Variants in OR51B5 observed in about 807,000 individuals in gnomAD.
OR51B5 encodes the protein olfactory receptor 51B5.
For synonymous variants in OR51B5, 186 were observed against 144.8 expected, an observed-to-expected ratio of 1.28 and a Z score of -2.04; for missense variants, 456 against 374.6, an observed-to-expected ratio of 1.22 and a Z score of -1.79.
At chr11:5,465,199 C>A (rs1851120474) in intron 1 of OR51B5, among the ~76,000 whole-genome samples, 1 of 76,512 alleles carries the variant, frequency 1.3e-5, no homozygotes, top group Non-Finnish European at 2.6e-5. Flanking sequence ...GAGCGAGACT[C>A]CGTCTCAAAA....
intron 1 of OR51B5, among the ~76,000 whole-genome samples, chr11:5,443,681 T>A (rs1589998844): frequency 6.6e-6 from 1 of 152,136 alleles, no homozygotes; most frequent in East Asian, 1.9e-4. Flanking sequence ...CAGATTTTCA[T>A]CAGTCTACAA....
At chr11:5,447,585 G>T (rs754339972) in intron 1 of OR51B5, among the ~76,000 whole-genome samples, 1 of 149,878 alleles carries the variant, frequency 6.7e-6, no homozygotes, top group Non-Finnish European at 1.5e-5. Flanking sequence ...TCACCGCTCA[G>T]TCTCAATCCC....
chr11:5,429,056 A>G (rs1313141168), intron 1 of OR51B5, among the ~76,000 whole-genome samples: 1 of 152,152 alleles, frequency 6.6e-6, no homozygotes, highest in Non-Finnish European at 1.5e-5. Context: ...CCCCATCCAG[A>G]CTTGTAACTC....
chr11:5,422,658 G>A (rs768441462), intron 1 of OR51B5: 5 of 1,614,004 alleles, frequency 3.1e-6, no homozygotes, highest in Non-Finnish European at 4.2e-6. Context: ...ATCATTTGCT[G>A]CTGTGTTCTG....
chr11:5,350,836 C>T (rs1849070099), intron 1 of OR51B5, among the ~76,000 whole-genome samples: 1 of 152,172 alleles, frequency 6.6e-6, no homozygotes, highest in Non-Finnish European at 1.5e-5. Context: ...TTTGGAAACA[C>T]ACACAGGTAA....
At chr11:5,476,912 G>A (rs364784) in intron 1 of OR51B5, among the ~76,000 whole-genome samples, 140,374 of 152,176 alleles carry the variant, frequency 0.92, 65,138 homozygotes, top group South Asian at 0.99. Context: ...ACAGGCCATC[G>A]AAAAACAGGA....
intron 1 of OR51B5, chr11:5,505,544 A>G: frequency 8.7e-7 from 1 of 1,144,994 alleles, no homozygotes; most frequent in South Asian, 1.6e-5. Flanking sequence ...GCAATTTATA[A>G]AAGAAAGAGG....
intron 1 of OR51B5, among the ~76,000 whole-genome samples, chr11:5,357,232 T>A (rs1295382618): frequency 5.9e-5 from 9 of 151,774 alleles, no homozygotes; most frequent in Non-Finnish European, 1.3e-4. Flanking sequence ...AGGAAACCCA[T>A]CTCATGTGCA....
intron 1 of OR51B5, chr11:5,389,897 G>A: frequency 6.2e-7 from 1 of 1,612,378 alleles, no homozygotes; most frequent in Non-Finnish European, 8.5e-7. Context: ...GGGACCTGTG[G>A]CCACTATCCC....
intron 1 of OR51B5, among the ~76,000 whole-genome samples, chr11:5,353,886 C>T (rs1564917461): frequency 6.6e-6 from 1 of 152,102 alleles, no homozygotes; most frequent in Non-Finnish European, 1.5e-5. Context: ...AAAATAATAC[C>T]TTCACAATAG....
At chr11:5,388,546 C>G (rs1849737794) in intron 1 of OR51B5, among the ~76,000 whole-genome samples, 1 of 144,832 alleles carries the variant, frequency 6.9e-6, no homozygotes, top group Admixed American at 7.0e-5. Context: ...TACCTATGAG[C>G]AAGCATACTA....
intron 1 of OR51B5, among the ~76,000 whole-genome samples, chr11:5,485,532 C>T (rs1334288666): frequency 6.6e-6 from 1 of 152,154 alleles, no homozygotes. Context: ...GGATCCCCCT[C>T]CAACTCAGAG....
chr11:5,397,083 C>A (rs7940063), intron 1 of OR51B5, among the ~76,000 whole-genome samples: 1,612 of 152,246 alleles, frequency 0.011, 30 homozygotes, highest in African/African-American at 0.036. Context: ...AAATGTTAGA[C>A]CTAAAACCAT....
intron 1 of OR51B5, among the ~76,000 whole-genome samples, chr11:5,485,596 T>TC (rs1366356441): frequency 6.6e-6 from 1 of 152,154 alleles, no homozygotes. Context: ...TTGCCTATGC[T>TC]CCTTGCACCC....
chr11:5,421,822 A>G (rs1564808048), intron 1 of OR51B5, among the ~76,000 whole-genome samples: 1 of 152,242 alleles, frequency 6.6e-6, no homozygotes, highest in Non-Finnish European at 1.5e-5. Context: ...ATTAAGCATC[A>G]CATTTATACA....
At chr11:5,462,042 T>G (rs1348429494) in intron 1 of OR51B5, among the ~76,000 whole-genome samples, 1 of 152,220 alleles carries the variant, frequency 6.6e-6, no homozygotes, top group Non-Finnish European at 1.5e-5. Flanking sequence ...TTAGGCTCGT[T>G]AGGCCTTCCT....
At chr11:5,383,076 G>A (rs573420937) in intron 1 of OR51B5, among the ~76,000 whole-genome samples, 1 of 151,494 alleles carries the variant, frequency 6.6e-6, no homozygotes, top group African/African-American at 2.4e-5. Context: ...ATAGTCTGGG[G>A]AAGAAGTACA....
intron 1 of OR51B5, among the ~76,000 whole-genome samples, chr11:5,420,151 TTTAAAA>T (rs1447807170): frequency 6.6e-6 from 1 of 152,026 alleles, no homozygotes; most frequent in Non-Finnish European, 1.5e-5. Context: ...TTTATCCTTA[TTTAAAA>T]TTATTTTATC....
chr11:5,453,491 G>C lies in OR51B5; in HGVS notation n.84+52078C>G, dbSNP rs138083584. 708 of 1,534,368 alleles carry C rather than the reference G, an allele frequency of 4.6e-4. 2 individuals are homozygous for C. In the African/African-American group the frequency reaches 8.9e-3, roughly 19 times the overall value. On this transcript the variant is annotated intron_variant and non_coding_transcript_variant, in intron 1 of 4. Transcript: ENST00000415970. ...AAGTACCCTAAGTTTGTTTTGCTAT[G>C]GGGTTGTTCAATGTCACTCACCCTG...
Sources: gnomAD v4.1 joint callset for allele counts (sites outside exome capture counted in the v4.1 genomes callset) on GRCh38, gnomAD v4.1.1 for gene constraint, MANE v1.5 for transcripts, NCBI Gene and HGNC (gene_info 2026-07-23, HGNC 2026-07-21) for gene names.